C2CD5: variants seen among roughly 807,000 people sequenced by gnomAD.
The protein encoded by C2CD5 is C2 domain-containing protein 5.
In C2CD5, 109 loss-of-function variants were observed where a neutral mutation model predicts 130.3. That is an observed-to-expected ratio of 0.84 (90% confidence interval 0.72 to 0.98). The LOEUF (loss-of-function observed/expected upper bound fraction) is 0.98. Among genes scored for constraint, C2CD5 ranks in the 50% least tolerant of loss-of-function variants. The pLI, the probability that C2CD5 is intolerant of heterozygous loss-of-function variation, is 0.00. For missense variants in C2CD5, 996 were observed against 1,261.8 expected (o/e 0.79, Z 3.19); for synonymous variants, 454 against 429.2 (o/e 1.06, Z -0.71).
At chr12:22,521,986 T>G (rs1950309007) in intron 7 of C2CD5, among the ~76,000 whole-genome samples, 1 of 152,192 alleles carries the variant, frequency 6.6e-6, no homozygotes, top group Admixed American at 6.5e-5. Flanking sequence ...TCCCTGATTA[T>G]CTAGGACAGG....
At chr12:22,501,545 T>C (rs1947795437) in intron 10 of C2CD5, among the ~76,000 whole-genome samples, 1 of 152,184 alleles carries the variant, frequency 6.6e-6, no homozygotes, top group Non-Finnish European at 1.5e-5. Flanking sequence ...GAAATCAACC[T>C]AGGAAAGTAT....
At chr12:22,536,502 C>T (rs866258013) in intron 2 of C2CD5, among the ~76,000 whole-genome samples, 1 of 152,094 alleles carries the variant, frequency 6.6e-6, no homozygotes, top group South Asian at 2.1e-4. Context: ...AGTCATTCAG[C>T]AGGAAAGTGA....
chr12:22,491,271 C>T (rs1591822458), intron 11 of C2CD5, among the ~76,000 whole-genome samples: 1 of 152,148 alleles, frequency 6.6e-6, no homozygotes, highest in East Asian at 1.9e-4. Context: ...CCATCTGTGA[C>T]CTATCATCAG....
rs752199970 is a variant in C2CD5 at position 22,457,193 on chromosome 12, G to A, written c.2687-32C>T. 8.2e-6 allele frequency: 12 copies of A among 1,460,856 alleles called. 1 individual carries two copies. In the South Asian group the frequency reaches 9.8e-5, roughly 12 times the overall value. The allele number at this position is 1,460,856 out of a possible 1,614,324, so 90.5% of individuals were successfully genotyped here. A position where few individuals can be genotyped will look rare whatever the true frequency, so the allele number is the denominator to read the frequency against. ...TTGGAGAAAAATGAGAAAACATTCA[G>A]AACAGACGCTGGTAACACAATTATT... On this transcript the variant is annotated intron_variant, in intron 24 of 26. Transcript: ENST00000446597.
intron 10 of C2CD5, among the ~76,000 whole-genome samples, chr12:22,496,799 T>C (rs995777126): frequency 6.6e-6 from 1 of 151,940 alleles, no homozygotes; most frequent in Non-Finnish European, 1.5e-5. Flanking sequence ...TATATCCTTT[T>C]AATTGCAGGC....
chr12:22,511,592 A>G lies in C2CD5; in HGVS notation c.1038+1702T>C, dbSNP rs78861592. On this transcript the variant is annotated intron_variant, in intron 9 of 26. Coordinates refer to ENST00000446597, the MANE Select transcript of C2CD5 (RefSeq NM_001286176.2). ...CTTTACTGTTAATTCCATGAAGTTT[A>G]TTTAGTAATCTATGTCCAATGTGTA... 1.8e-4 allele frequency among the ~76,000 whole-genome samples: 28 copies of G among 152,332 alleles called. 1 individual carries two copies. The East Asian group carries it at 5.4e-3, about 29-fold the overall frequency.
At chr12:22,484,934 A>G (rs1398674500) in intron 12 of C2CD5, 46 bp from the exon 13 acceptor site, 1 of 953,264 alleles carries the variant, frequency 1.0e-6, no homozygotes, top group Admixed American at 3.3e-5. Flanking sequence ...AAAATGTACC[A>G]ATTTTTTCAA....
At position 22,474,830 on chromosome 12, in the gene C2CD5, A is replaced by G. The variant is rs1943598005; in HGVS notation, c.1964T>C (p.Leu655Pro). 2 of 1,609,434 alleles carry G rather than the reference A, an allele frequency of 1.2e-6. No individual in the cohort carries two copies. The highest frequency in any genetic ancestry group is 1.3e-5 in the African/African-American group (1 of 74,762). ...ATCCGAGCTTTCTGATTGAGATCTT[A>G]GAAGTCTTGAGCGTTGCCTAGGTTC... Reference protein sequence around the residue: ...IPEPRQRSRLLRSQSESSDEV... With the variant: ...IPEPRQRSRLPRSQSESSDEV... Residue 655 changes from leucine (L) to proline (P), a missense_variant, in exon 16 of 27, where the codon CTA (leucine) becomes CCA (proline). Coordinates refer to ENST00000446597, the MANE Select transcript of C2CD5 (RefSeq NM_001286176.2).
At chr12:22,508,970 G>A (rs957492494) in intron 9 of C2CD5, among the ~76,000 whole-genome samples, 7 of 150,532 alleles carry the variant, frequency 4.7e-5, no homozygotes, top group African/African-American at 1.2e-4. Flanking sequence ...TCCGCTTCCC[G>A]GGTTCACGCC....
chr12:22,519,234 G>A (rs146937771), intron 7 of C2CD5: 37 of 1,535,496 alleles, frequency 2.4e-5, no homozygotes, highest in Admixed American at 3.9e-5. Flanking sequence ...ATGAACCAGC[G>A]GAGACCTGAG....
At chr12:22,503,629 GC>G (rs1216958520) in intron 10 of C2CD5, among the ~76,000 whole-genome samples, 1 of 152,066 alleles carries the variant, frequency 6.6e-6, no homozygotes, top group African/African-American at 2.4e-5. Flanking sequence ...TCCTGCCTCA[GC>G]CTCCCAAGTA....
intron 10 of C2CD5, among the ~76,000 whole-genome samples, 172 bp downstream of exon 10, chr12:22,506,538 CA>C (rs1948556382): frequency 6.6e-6 from 1 of 152,022 alleles, no homozygotes; most frequent in Non-Finnish European, 1.5e-5. Context: ...AACTAAAATA[CA>C]CTTAGTTTAT....
chr12:22,509,025 C>T (rs972211741), intron 9 of C2CD5, among the ~76,000 whole-genome samples: 5 of 151,516 alleles, frequency 3.3e-5, no homozygotes, highest in African/African-American at 9.7e-5. Flanking sequence ...TACAGGCGCC[C>T]GCCACCGCGC....
At chr12:22,539,762 TG>T (rs1952169832) in intron 2 of C2CD5, among the ~76,000 whole-genome samples, 1 of 151,898 alleles carries the variant, frequency 6.6e-6, no homozygotes, top group Non-Finnish European at 1.5e-5. Context: ...GGGAGGCCAA[TG>T]TGGGTGGATC....
chr12:22,527,375 A>C (rs1385149227), intron 4 of C2CD5, among the ~76,000 whole-genome samples: 2 of 146,532 alleles, frequency 1.4e-5, no homozygotes, highest in Non-Finnish European at 3.0e-5. Context: ...CTTGTTGCAC[A>C]GGACACGATC....
At chr12:22,501,698 G>A (rs1194410365) in intron 10 of C2CD5, among the ~76,000 whole-genome samples, 1 of 152,074 alleles carries the variant, frequency 6.6e-6, no homozygotes, top group Non-Finnish European at 1.5e-5. Context: ...ATCTACATCT[G>A]TAAATGTTGG....
In C2CD5 at chr12:22,527,317, C is replaced by CATATAT. The variant is rs996090197; in HGVS notation, c.349+398_349+403dup. On this transcript the variant is annotated intron_variant, in intron 4 of 26. Coordinates refer to ENST00000446597, the MANE Select transcript of C2CD5 (RefSeq NM_001286176.2). Reference sequence around the variant, plus strand: ...GCATCATCTTAAGATATATTATATACATATATATATATATTTTTTTTTTTT... The same window carrying CATATAT: ...GCATCATCTTAAGATATATTATATACATATATATATATATATATATTTTTTTTTTTT... 1.5e-4 allele frequency among the ~76,000 whole-genome samples: 20 copies of CATATAT among 131,710 alleles called. 1 individual carries two copies. Among genetic ancestry groups the CATATAT allele is most frequent in the African/African-American group, 5.7e-4 (19 of 33,166 alleles). 86.4% of individuals were successfully genotyped at this position (131,710 alleles called of 152,430 possible).
intron 14 of C2CD5, among the ~76,000 whole-genome samples, chr12:22,481,821 T>A (rs888351072): frequency 5.5e-5 from 8 of 144,672 alleles, no homozygotes; most frequent in South Asian, 4.6e-4. Context: ...TTTTTTTTTT[T>A]ATAGAGACAG....
Position 22,510,033 on chromosome 12 carries a change from C to T in C2CD5, c.1039-3214G>A, listed in dbSNP as rs146821536. On this transcript the variant is annotated intron_variant, in intron 9 of 26. Coordinates refer to ENST00000446597, the MANE Select transcript of C2CD5 (RefSeq NM_001286176.2). ...CAGCCTGGTCAACATACTGAAACCC[C>T]GTCTCTACTAAAAATACAAAAATTA... 2.7e-3 allele frequency among the ~76,000 whole-genome samples: 417 copies of T among 152,160 alleles called. 9 individuals are homozygous for T. In the East Asian group the frequency reaches 0.05, roughly 18 times the overall value.
Sources: allele counts gnomAD v4.1 joint callset (sites outside exome capture counted in the v4.1 genomes callset), GRCh38; gene constraint gnomAD v4.1.1; transcripts MANE v1.5; gene names NCBI Gene and HGNC (gene_info 2026-07-23, HGNC 2026-07-21).